PCNX1: variants seen among roughly 807,000 people sequenced by gnomAD.
The protein encoded by PCNX1 is pecanex-like protein 1.
In PCNX1, 78 loss-of-function variants were observed where a neutral mutation model predicts 242.2. The ratio of observed to expected loss-of-function variants is 0.32; its 90% CI spans 0.27 to 0.39. The LOEUF is 0.39. Among genes scored for constraint, PCNX1 ranks in the 10% least tolerant of loss-of-function variants. The pLI is 1.00. For synonymous variants in PCNX1, 1,024 were observed against 1,032.9 expected, an observed-to-expected ratio of 0.99 and a Z score of 0.17; for missense variants, 2,581 against 2,856.5, an observed-to-expected ratio of 0.90 and a Z score of 2.20.
intron 19 of PCNX1, among the ~76,000 whole-genome samples, chr14:71,036,378 G>A (rs1284244348): frequency 6.6e-6 from 1 of 152,008 alleles, no homozygotes; most frequent in African/African-American, 2.4e-5. Flanking sequence ...GAGTCTTGTT[G>A]TGTTGCCCGA....
intron 8 of PCNX1, among the ~76,000 whole-genome samples, chr14:71,002,241 C>CGGCAAATA: frequency 6.6e-6 from 1 of 152,250 alleles, no homozygotes; most frequent in South Asian, 2.1e-4. Context: ...TGAAACAGAA[C>CGGCAAATA]GGCAAATACC....
intron 13 of PCNX1, 57 bp from the exon 14 acceptor site, chr14:71,026,059 TA>T: frequency 1.9e-6 from 2 of 1,079,908 alleles, no homozygotes; most frequent in Non-Finnish European, 2.7e-6. Flanking sequence ...GTGATACCAG[TA>T]GTTATTTGTG....
At position 71,102,061 on chromosome 14, in the gene PCNX1, G is replaced by C. The variant is rs1333186971; in HGVS notation, c.5661G>C (p.Lys1887Asn). ...ATGAAGCCATAGTATCTCATGAGAA[G>C]AACCTCGTAATAGCCCATGAAGGGG... The part of the protein sequence containing the change: ...VLYEAIVSHE[K>N]NLVIAHEGDP... The change falls in exon 31 of 36, where the codon AAG becomes AAC. Residue 1887 changes from lysine (K) to asparagine (N), a missense_variant. Physicochemically the swap from Lys to Asn is moderately conservative, Grantham distance 94. Coordinates refer to ENST00000304743, the MANE Select transcript of PCNX1 (RefSeq NM_014982.3). The C allele has an allele frequency of 7.4e-6, 12 of 1,613,728 alleles. No individual in the cohort carries two copies. Among genetic ancestry groups the C allele is most frequent in the African/African-American group, 1.3e-5 (1 of 74,844 alleles).
chr14:70,915,094 A>G (rs2056096720), intron 1 of PCNX1, among the ~76,000 whole-genome samples: 1 of 152,052 alleles, frequency 6.6e-6, no homozygotes. Context: ...GTGTTGTATC[A>G]GTAGCTTTTT....
intron 19 of PCNX1, among the ~76,000 whole-genome samples, chr14:71,043,594 A>G (rs1486926002): frequency 1.4e-5 from 2 of 141,322 alleles, no homozygotes; most frequent in African/African-American, 5.3e-5. Context: ...TTCTTCTGCT[A>G]GATCTAATCT....
intron 3 of PCNX1, among the ~76,000 whole-genome samples, chr14:70,963,385 A>G (rs1284335592): frequency 6.6e-6 from 1 of 152,192 alleles, no homozygotes; most frequent in African/African-American, 2.4e-5. Context: ...ACTTTAAATT[A>G]ATGATTGCTA....
rs923339774 is a variant in PCNX1 at position 71,113,667 on chromosome 14, T to C, written c.*3732T>C. 2.6e-5 allele frequency: 4 copies of C among 152,396 alleles called. No homozygotes were observed. The highest frequency in any genetic ancestry group is 9.7e-5 in the African/African-American group (4 of 41,442). The allele number at this position is 152,396 out of a possible 1,614,324, so 9.4% of individuals were successfully genotyped here. A position where few individuals can be genotyped will look rare whatever the true frequency, so the allele number is the denominator to read the frequency against. On this transcript the variant is annotated 3_prime_UTR_variant, in exon 36 of 36. Transcript: ENST00000304743. ...TCTAAAGTTGTCCTTTTCTTATAGC[T>C]AGCTTTCAAGCATCTTTCCTCCTAA...
At chr14:71,002,589 C>T (rs2059536311) in intron 8 of PCNX1, among the ~76,000 whole-genome samples, 1 of 152,194 alleles carries the variant, frequency 6.6e-6, no homozygotes, top group Non-Finnish European at 1.5e-5. Flanking sequence ...CCTCTTCTAG[C>T]AGTTGATATA....
At chr14:70,994,418 T>C (rs557615742) in intron 7 of PCNX1, among the ~76,000 whole-genome samples, 2 of 131,306 alleles carry the variant, frequency 1.5e-5, no homozygotes, top group East Asian at 4.2e-4. Flanking sequence ...TATATATATA[T>C]ATATATATAT....
At chr14:71,103,695 G>C (rs1330851685) in intron 32 of PCNX1, 26 bp downstream of exon 32, 2 of 1,609,506 alleles carry the variant, frequency 1.2e-6, no homozygotes, top group Non-Finnish European at 1.7e-6. Flanking sequence ...GTATTATTCA[G>C]TGCTGGTGTA....
chr14:71,080,889 G>C (rs1394783746), intron 28 of PCNX1, among the ~76,000 whole-genome samples: 1 of 152,168 alleles, frequency 6.6e-6, no homozygotes, highest in Non-Finnish European at 1.5e-5. Context: ...GCCCTGTCTA[G>C]AACTTCCAAT....
At chr14:71,007,163 C>T (rs1247296995) in intron 8 of PCNX1, among the ~76,000 whole-genome samples, 1 of 151,424 alleles carries the variant, frequency 6.6e-6, no homozygotes. Flanking sequence ...TAGAACTACT[C>T]AATTTTTCCA....
At chr14:70,949,251 A>G (rs1374396328) in intron 2 of PCNX1, among the ~76,000 whole-genome samples, 2 of 97,666 alleles carry the variant, frequency 2.0e-5, no homozygotes, top group African/African-American at 4.1e-5. Context: ...ACACACGTGT[A>G]TACACACACA....
At chr14:70,910,151 T>C (rs1449440686) in intron 1 of PCNX1, among the ~76,000 whole-genome samples, 1 of 40,470 alleles carries the variant, frequency 2.5e-5, no homozygotes, top group African/African-American at 1.0e-4. Context: ...CTCCCCCTCC[T>C]CCCCCTCCTC....
chr14:71,012,763 C>G, intron 10 of PCNX1: 1 of 441,532 alleles, frequency 2.3e-6, no homozygotes. Context: ...ACCGGGGAGG[C>G]AGAGGTTGCA....
At chr14:71,029,113 T>G (rs963029697) in intron 16 of PCNX1, among the ~76,000 whole-genome samples, 1 of 152,136 alleles carries the variant, frequency 6.6e-6, no homozygotes, top group Non-Finnish European at 1.5e-5. Context: ...AAATTCTAGT[T>G]AAGAATTTAA....
At chr14:70,931,138 G>A (rs1339651944) in intron 1 of PCNX1, among the ~76,000 whole-genome samples, 1 of 152,004 alleles carries the variant, frequency 6.6e-6, no homozygotes, top group African/African-American at 2.4e-5. Context: ...AGAATGAAAG[G>A]TGGGAGAGCT....
intron 3 of PCNX1, among the ~76,000 whole-genome samples, chr14:70,963,169 G>C (rs932919822): frequency 6.6e-6 from 1 of 152,118 alleles, no homozygotes; most frequent in Non-Finnish European, 1.5e-5. Context: ...CCTGCTTTCT[G>C]TTCTAGAGAC....
intron 12 of PCNX1, among the ~76,000 whole-genome samples, chr14:71,020,555 T>A (rs2060073341): frequency 6.6e-6 from 1 of 152,214 alleles, no homozygotes; most frequent in South Asian, 2.1e-4. Flanking sequence ...TTTTTCATGT[T>A]TGTCGGCCAC....
Sources: allele counts gnomAD v4.1 joint callset (sites outside exome capture counted in the v4.1 genomes callset), GRCh38; gene constraint gnomAD v4.1.1; transcripts MANE v1.5; gene names NCBI Gene and HGNC (gene_info 2026-07-23, HGNC 2026-07-21).